The following TRPM3 variants were observed in gnomAD, a reference collection of about 807,000 sequenced individuals.
TRPM3 encodes long transient receptor potential channel 3.
TRPM3 carries 77 observed loss-of-function variants against 181.2 expected under a neutral mutation model. The observed-to-expected ratio is 0.42, with a 90% CI of 0.35 to 0.51. The LOEUF is 0.51. Ranked by LOEUF, TRPM3 falls within the 20% of genes least tolerant of loss-of-function variation. The probability of loss-of-function intolerance (pLI) is 0.01; values close to 1 mark genes in which losing one functional copy is unlikely to be tolerated. For missense variants in TRPM3, 1,759 were observed against 2,196.7 expected (o/e 0.80, Z 3.98); for synonymous variants, 745 against 796.4 (o/e 0.94, Z 1.09).
intron 1 of TRPM3, among the ~76,000 whole-genome samples, chr9:71,118,362 T>C (rs1167015607): frequency 6.6e-6 from 1 of 152,214 alleles, no homozygotes; most frequent in Non-Finnish European, 1.5e-5. Context: ...TGGGTTTAAT[T>C]CATACTTCAG....
intron 18 of TRPM3, 24 bp downstream of exon 18, chr9:70,615,884 A>G (rs2062710304): frequency 6.3e-7 from 1 of 1,586,086 alleles, no homozygotes; most frequent in Admixed American, 1.9e-5. Context: ...GCCCATAGAG[A>G]ATAACTGTGC....
At chr9:70,799,559 G>A (rs2088284785) in intron 6 of TRPM3, among the ~76,000 whole-genome samples, 1 of 152,168 alleles carries the variant, frequency 6.6e-6, no homozygotes, top group African/African-American at 2.4e-5. Context: ...TCCATGTGCA[G>A]GGAGCTCCAT....
chr9:70,668,821 A>C (rs1049935296), intron 9 of TRPM3, among the ~76,000 whole-genome samples: 1 of 152,122 alleles, frequency 6.6e-6, no homozygotes, highest in Non-Finnish European at 1.5e-5. Context: ...TTATTTCAGA[A>C]TTGTGCTGCT....
intron 25 of TRPM3, among the ~76,000 whole-genome samples, chr9:70,538,396 G>T (rs559060169): frequency 6.6e-6 from 1 of 152,240 alleles, no homozygotes; most frequent in East Asian, 1.9e-4. Context: ...CTCCCAAAGT[G>T]CTGGGATTAC....
At chr9:70,902,251 A>G (rs1400504181) in intron 1 of TRPM3, among the ~76,000 whole-genome samples, 1 of 152,240 alleles carries the variant, frequency 6.6e-6, no homozygotes, top group Non-Finnish European at 1.5e-5. Flanking sequence ...ATAATCTTGC[A>G]AAGTCAGTCA....
At chr9:70,670,248 G>T (rs115501150) in intron 9 of TRPM3, among the ~76,000 whole-genome samples, 1 of 152,140 alleles carries the variant, frequency 6.6e-6, no homozygotes, top group African/African-American at 2.4e-5. Flanking sequence ...CTTTCATGCC[G>T]AAGAAAGTGC....
intron 1 of TRPM3, among the ~76,000 whole-genome samples, chr9:71,260,721 C>G (rs2082989281): frequency 6.6e-6 from 1 of 152,154 alleles, no homozygotes; most frequent in Non-Finnish European, 1.5e-5. Context: ...GATTTTTGCA[C>G]ATTGATTTTG....
At chr9:70,612,235 C>T (rs1052365316) in intron 18 of TRPM3, among the ~76,000 whole-genome samples, 2 of 152,170 alleles carry the variant, frequency 1.3e-5, no homozygotes, top group African/African-American at 4.8e-5. Context: ...AATTTCTTGA[C>T]TTTAATTCTT....
At chr9:71,141,898 T>A (rs2075122853) in intron 1 of TRPM3, among the ~76,000 whole-genome samples, 1 of 152,170 alleles carries the variant, frequency 6.6e-6, no homozygotes, top group Non-Finnish European at 1.5e-5. Context: ...TTTTTGTTGC[T>A]GTACTTGTTT....
At chr9:70,633,548 T>C (rs146437060) in intron 12 of TRPM3, among the ~76,000 whole-genome samples, 4 of 152,268 alleles carry the variant, frequency 2.6e-5, no homozygotes, top group Admixed American at 6.5e-5. Flanking sequence ...AAATCCTTCA[T>C]TAAGGTGGTA....
At chr9:71,008,800 A>C (rs948285608) in intron 1 of TRPM3, among the ~76,000 whole-genome samples, 1 of 152,224 alleles carries the variant, frequency 6.6e-6, no homozygotes, top group Non-Finnish European at 1.5e-5. Context: ...AGCCAAGATC[A>C]CGCCACTGAA....
intron 9 of TRPM3, among the ~76,000 whole-genome samples, chr9:70,651,773 T>G (rs189377037): frequency 3.9e-5 from 6 of 152,300 alleles, no homozygotes; most frequent in Non-Finnish European, 7.4e-5. Flanking sequence ...TTCTTTCTTT[T>G]TTCTTTACTA....
chr9:71,123,652 G>A (rs1220054004), upstream of TRPM3, among the ~76,000 whole-genome samples: 1 of 152,226 alleles, frequency 6.6e-6, no homozygotes, highest in Non-Finnish European at 1.5e-5. Context: ...TGCTTCTTGT[G>A]AGTTACTATG....
chr9:71,198,902 A>C (rs1397930041), intron 1 of TRPM3, among the ~76,000 whole-genome samples: 2 of 117,506 alleles, frequency 1.7e-5, no homozygotes, highest in Non-Finnish European at 3.8e-5. Flanking sequence ...AGAACTTCCA[A>C]CACTACGTTG....
At chr9:70,999,089 T>G (rs971629498) in intron 1 of TRPM3, among the ~76,000 whole-genome samples, 7 of 152,212 alleles carry the variant, frequency 4.6e-5, no homozygotes, top group African/African-American at 1.4e-4. Context: ...TTTCTCATTT[T>G]TCTTCAGTTC....
At chr9:70,571,651 C>T (rs982118921) in intron 22 of TRPM3, among the ~76,000 whole-genome samples, 1 of 152,030 alleles carries the variant, frequency 6.6e-6, no homozygotes, top group Non-Finnish European at 1.5e-5. Context: ...TTTCCTTGCC[C>T]ATTAAACATA....
At chr9:70,822,759 T>TGTG (rs2093280974) in intron 6 of TRPM3, among the ~76,000 whole-genome samples, 1 of 147,100 alleles carries the variant, frequency 6.8e-6, no homozygotes, top group Non-Finnish European at 1.5e-5. Context: ...AAGATTTGTC[T>TGTG]TGTGTGTGTG....
chr9:71,139,395 T>G (rs1272726688), intron 1 of TRPM3, among the ~76,000 whole-genome samples: 1 of 152,172 alleles, frequency 6.6e-6, no homozygotes, highest in Non-Finnish European at 1.5e-5. Flanking sequence ...AAATTTCCAC[T>G]CATCTTAATT....
intron 1 of TRPM3, among the ~76,000 whole-genome samples, chr9:71,135,279 C>T (rs2074694808): frequency 6.6e-6 from 1 of 152,188 alleles, no homozygotes; most frequent in African/African-American, 2.4e-5. Context: ...TCTGTCACTT[C>T]CAGTTCTGTT....
Sources: gnomAD v4.1 joint callset for allele counts (sites outside exome capture counted in the v4.1 genomes callset) on GRCh38, gnomAD v4.1.1 for gene constraint, MANE v1.5 for transcripts, NCBI Gene and HGNC (gene_info 2026-07-23, HGNC 2026-07-21) for gene names.